Variants in LSAMP observed in about 807,000 individuals in gnomAD.
LSAMP encodes limbic system-associated membrane protein.
LSAMP carries 7 observed loss-of-function variants against 38.6 expected under a neutral mutation model. The ratio of observed to expected loss-of-function variants is 0.18; its 90% CI spans 0.10 to 0.34. The LOEUF (loss-of-function observed/expected upper bound fraction) is 0.34, where lower values mean the gene tolerates loss of function less well. LSAMP is among the 10% of genes least tolerant of loss of function. The pLI is 1.00. For synonymous variants in LSAMP, 154 were observed against 166.8 expected (o/e 0.92, Z 0.59); for missense variants, 313 against 420.0 (o/e 0.75, Z 2.23).
intron 3 of LSAMP, among the ~76,000 whole-genome samples, chr3:115,998,543 G>C (rs181040296): frequency 1.3e-5 from 2 of 152,010 alleles, no homozygotes; most frequent in Non-Finnish European, 2.9e-5. Context: ...CTTGACCCTT[G>C]CATTGTCCTT....
intron 1 of LSAMP, among the ~76,000 whole-genome samples, chr3:116,223,591 A>G (rs1033342065): frequency 1.3e-5 from 2 of 152,212 alleles, no homozygotes; most frequent in Non-Finnish European, 2.9e-5. Flanking sequence ...TAGTATCTCA[A>G]CAGTATTCAC....
intron 1 of LSAMP, among the ~76,000 whole-genome samples, chr3:116,169,871 C>G (rs1710154422): frequency 6.6e-6 from 1 of 152,106 alleles, no homozygotes; most frequent in Non-Finnish European, 1.5e-5. Flanking sequence ...TGATGCCTAC[C>G]ATTCAGGAAA....
At chr3:116,430,157 G>C (rs896019620) in intron 1 of LSAMP, among the ~76,000 whole-genome samples, 34 of 152,254 alleles carry the variant, frequency 2.2e-4, no homozygotes, top group Admixed American at 6.5e-4. Context: ...TACCCAGAAA[G>C]ATGAAAGGCC....
chr3:116,112,603 A>G (rs1226171500), intron 1 of LSAMP, among the ~76,000 whole-genome samples: 1 of 152,200 alleles, frequency 6.6e-6, no homozygotes, highest in East Asian at 1.9e-4. Context: ...CACACATCTT[A>G]AAGAATTTGG....
intron 4 of LSAMP, among the ~76,000 whole-genome samples, chr3:115,845,984 C>G (rs1428680447): frequency 6.6e-6 from 1 of 152,158 alleles, no homozygotes; most frequent in Non-Finnish European, 1.5e-5. Context: ...ATACAAAGAG[C>G]TCATTGTTTC....
At chr3:116,373,637 C>T (rs1576172307) in intron 1 of LSAMP, among the ~76,000 whole-genome samples, 1 of 151,780 alleles carries the variant, frequency 6.6e-6, no homozygotes, top group Non-Finnish European at 1.5e-5. Context: ...ATGAGAAGTA[C>T]CTAATTTCCC....
intron 1 of LSAMP, among the ~76,000 whole-genome samples, chr3:116,378,048 G>A (rs2048515762): frequency 6.6e-6 from 1 of 152,034 alleles, no homozygotes; most frequent in Non-Finnish European, 1.5e-5. Flanking sequence ...AAACTTTAGA[G>A]TGACTTCCTC....
intron 6 of LSAMP, among the ~76,000 whole-genome samples, chr3:115,821,147 C>T (rs1320458815): frequency 2.0e-5 from 3 of 152,112 alleles, no homozygotes; most frequent in Non-Finnish European, 4.4e-5. Context: ...CCCCTCCCTC[C>T]ATCCACATCT....
chr3:116,299,991 A>C (rs1380411050), intron 1 of LSAMP, among the ~76,000 whole-genome samples: 3 of 152,132 alleles, frequency 2.0e-5, no homozygotes, highest in African/African-American at 7.2e-5. Flanking sequence ...AACTGTCTCT[A>C]ATAAGGCCAT....
intron 1 of LSAMP, among the ~76,000 whole-genome samples, chr3:116,328,460 A>T (rs2047804452): frequency 6.6e-6 from 1 of 152,204 alleles, no homozygotes; most frequent in South Asian, 2.1e-4. Flanking sequence ...ATACAAAAGA[A>T]ACTCAAATTA....
At chr3:115,972,938 A>G (rs1208552394) in intron 3 of LSAMP, among the ~76,000 whole-genome samples, 1 of 151,326 alleles carries the variant, frequency 6.6e-6, no homozygotes, top group African/African-American at 2.4e-5. Context: ...TGGGACAATC[A>G]AAAAAGGCTT....
At chr3:115,970,818 T>C (rs1023310742) in intron 3 of LSAMP, among the ~76,000 whole-genome samples, 2 of 152,224 alleles carry the variant, frequency 1.3e-5, no homozygotes, top group Non-Finnish European at 2.9e-5. Flanking sequence ...GTAATGCTGG[T>C]TAGCAGGTGG....
At chr3:115,944,242 G>A (rs1397027514) in intron 3 of LSAMP, among the ~76,000 whole-genome samples, 5 of 152,154 alleles carry the variant, frequency 3.3e-5, no homozygotes, top group Admixed American at 3.3e-4. Context: ...GTCTGAAAGT[G>A]AGGTATTAGC....
At chr3:116,121,834 G>T (rs1362830596) in intron 1 of LSAMP, among the ~76,000 whole-genome samples, 2 of 151,574 alleles carry the variant, frequency 1.3e-5, no homozygotes, top group Non-Finnish European at 2.9e-5. Context: ...TTTGAATGTG[G>T]CCCAAAACAA....
intron 1 of LSAMP, among the ~76,000 whole-genome samples, chr3:116,183,241 C>T (rs1710530200): frequency 6.6e-6 from 1 of 151,888 alleles, no homozygotes; most frequent in Non-Finnish European, 1.5e-5. Flanking sequence ...GACATGGTTG[C>T]ATCCCACACC....
chr3:115,983,267 G>C (rs1429682826), intron 3 of LSAMP, among the ~76,000 whole-genome samples: 1 of 152,094 alleles, frequency 6.6e-6, no homozygotes, highest in East Asian at 1.9e-4. Flanking sequence ...TGTAATCTCA[G>C]CAGTTTGGGA....
chr3:116,330,040 TCA>T (rs2047827573), intron 1 of LSAMP, among the ~76,000 whole-genome samples: 1 of 152,194 alleles, frequency 6.6e-6, no homozygotes, highest in African/African-American at 2.4e-5. Context: ...GGTAATTAAC[TCA>T]CATAATCTTT....
chr3:116,417,003 T>C (rs1157141363), intron 1 of LSAMP, among the ~76,000 whole-genome samples: 3 of 152,166 alleles, frequency 2.0e-5, no homozygotes, highest in Admixed American at 2.0e-4. Flanking sequence ...TAAAGGAATC[T>C]CTTTTTTCTT....
At chr3:115,937,147 C>A (rs1232612765) in intron 3 of LSAMP, among the ~76,000 whole-genome samples, 1 of 152,128 alleles carries the variant, frequency 6.6e-6, no homozygotes, top group Non-Finnish European at 1.5e-5. Flanking sequence ...TGTGCTCTAT[C>A]TGTCCAACTA....
Sources: allele counts gnomAD v4.1 joint callset (sites outside exome capture counted in the v4.1 genomes callset), GRCh38; gene constraint gnomAD v4.1.1; transcripts MANE v1.5; gene names NCBI Gene and HGNC (gene_info 2026-07-23, HGNC 2026-07-21).